The following IGSF10 variants were observed in gnomAD, a reference collection of about 807,000 sequenced individuals.
IGSF10 encodes immunoglobulin superfamily member 10, also known as calvaria mechanical force protein 608.
IGSF10 carries 126 observed loss-of-function variants against 128.2 expected under a neutral mutation model. The ratio of observed to expected loss-of-function variants is 0.98; its 90% confidence interval spans 0.85 to 1.14. The LOEUF is 1.14. Ranked by LOEUF, IGSF10 falls within the 50% of genes most tolerant of loss-of-function variation. The pLI, the probability that IGSF10 is intolerant of heterozygous loss-of-function variation, is 0.00. For missense variants in IGSF10, 3,295 were observed against 3,149.8 expected (o/e 1.05, Z -1.10); for synonymous variants, 1,185 against 1,146.2 (o/e 1.03, Z -0.68).
the IGSF10 span, among the ~76,000 whole-genome samples, chr3:151,618,512 T>C: frequency 1.1e-4 from 17 of 152,088 alleles, no homozygotes; most frequent in Admixed American, 1.0e-3. Context: ...GGGTGGATCA[T>C]GAGGTCAGGA....
chr3:151,438,816 A>G (rs1345044483), intron 7 of IGSF10, among the ~76,000 whole-genome samples: 1 of 138,512 alleles, frequency 7.2e-6, no homozygotes, highest in Non-Finnish European at 1.5e-5. Context: ...ATATATATAC[A>G]TTTTGAGATA....
the IGSF10 span, among the ~76,000 whole-genome samples, chr3:151,541,473 C>T: frequency 2.4e-4 from 37 of 152,184 alleles, no homozygotes; most frequent in Non-Finnish European, 4.0e-4. Context: ...TTCTTATAGT[C>T]ATATAGATGA....
chr3:151,524,956 A>G, the IGSF10 span, among the ~76,000 whole-genome samples: 1 of 147,570 alleles, frequency 6.8e-6, no homozygotes, highest in East Asian at 2.0e-4. Context: ...AATATTGTCA[A>G]TATGAAATAG....
the IGSF10 span, among the ~76,000 whole-genome samples, chr3:151,547,457 CACG>C: frequency 2.0e-5 from 3 of 151,258 alleles, no homozygotes; most frequent in Admixed American, 6.6e-5. Context: ...CACACACACA[CACG>C]TTATTCAAAA....
At chr3:151,599,405 AG>A in the IGSF10 span, among the ~76,000 whole-genome samples, 327 of 152,294 alleles carry the variant, frequency 2.1e-3, 1 homozygote, top group African/African-American at 7.7e-3. Context: ...AACCTTAAGC[AG>A]GGGAGTGACT....
chr3:151,523,960 G>C, the IGSF10 span, among the ~76,000 whole-genome samples: 1 of 151,962 alleles, frequency 6.6e-6, no homozygotes, highest in Admixed American at 6.6e-5. Flanking sequence ...CAAATTTACA[G>C]GAGAAAAACA....
At chr3:151,505,080 C>T in the IGSF10 span, among the ~76,000 whole-genome samples, 121,042 of 152,140 alleles carry the variant, frequency 0.8, 48,290 homozygotes, top group Middle Eastern at 0.9. Flanking sequence ...TTGGGTATCC[C>T]TATAGTAGCA....
the IGSF10 span, among the ~76,000 whole-genome samples, chr3:151,588,337 A>C: frequency 6.6e-6 from 1 of 151,992 alleles, no homozygotes; most frequent in Non-Finnish European, 1.5e-5. Context: ...GGGAATATTC[A>C]GAAGAGAACA....
At chr3:151,441,967 A>G (rs569134479) in intron 7 of IGSF10, among the ~76,000 whole-genome samples, 1 of 152,328 alleles carries the variant, frequency 6.6e-6, no homozygotes, top group African/African-American at 2.4e-5. Flanking sequence ...AGGCTGAGGT[A>G]GGAGAATGGC....
the IGSF10 span, among the ~76,000 whole-genome samples, chr3:151,575,227 C>T: frequency 1.4e-5 from 2 of 138,484 alleles, no homozygotes; most frequent in African/African-American, 6.2e-5. Context: ...GTCTGTCCAC[C>T]ATCCTGGGAT....
chr3:151,618,162 A>ATC, the IGSF10 span, among the ~76,000 whole-genome samples: 939 of 152,048 alleles, frequency 6.2e-3, 25 homozygotes, highest in East Asian at 0.091. Flanking sequence ...AAGAGAGATG[A>ATC]TCTCTCTCTC....
chr3:151,476,480 G>A, the IGSF10 span, among the ~76,000 whole-genome samples: 1 of 152,128 alleles, frequency 6.6e-6, no homozygotes, highest in Non-Finnish European at 1.5e-5. Flanking sequence ...CTGCTACATT[G>A]TACCCGGATG....
the IGSF10 span, among the ~76,000 whole-genome samples, chr3:151,472,248 A>G: frequency 1.3e-5 from 2 of 152,186 alleles, no homozygotes; most frequent in Non-Finnish European, 2.9e-5. Context: ...ACTTCATTCA[A>G]CTGTCACCCT....
chr3:151,524,599 A>G, the IGSF10 span, among the ~76,000 whole-genome samples: 2 of 152,102 alleles, frequency 1.3e-5, no homozygotes, highest in African/African-American at 4.8e-5. Flanking sequence ...AACCCAAAGA[A>G]GGAAACAACA....
the IGSF10 span, among the ~76,000 whole-genome samples, chr3:151,571,056 G>A: frequency 8.5e-5 from 13 of 152,238 alleles, no homozygotes; most frequent in African/African-American, 2.9e-4. Context: ...GATGTGTGGT[G>A]TTATTTCTGA....
the IGSF10 span, among the ~76,000 whole-genome samples, chr3:151,470,264 CA>C: frequency 3.3e-5 from 5 of 152,278 alleles, no homozygotes; most frequent in Admixed American, 2.6e-4. Flanking sequence ...ACAAAGGTCA[CA>C]AGGCTTCAGT....
rs777412682 is a variant in IGSF10, at chr3:151,446,838, T to C, written c.3143A>G (p.Glu1048Gly). ...GGCTGAGAATGCAGTAGTGCTTTTT[T>C]CAGAAGAACCTCTGGTTGTTGACCT... ...IFRSTTRGSSEKSTTAFSATV... is the reference protein window; with the variant it reads ...IFRSTTRGSSGKSTTAFSATV... Residue 1048 changes from glutamate to glycine, a missense_variant, in exon 6 of 8, where the codon GAA becomes GGA. Coordinates refer to ENST00000282466, the MANE Select transcript of IGSF10 (RefSeq NM_178822.5). The C allele has an allele frequency of 1.2e-6, 2 of 1,614,184 alleles. No homozygotes were observed. The highest frequency in any genetic ancestry group is 2.2e-5 in the South Asian group (2 of 91,088).
the IGSF10 span, among the ~76,000 whole-genome samples, chr3:151,507,381 A>G: frequency 3.9e-5 from 6 of 152,194 alleles, no homozygotes; most frequent in Non-Finnish European, 8.8e-5. Flanking sequence ...GTAATTTAAA[A>G]TCTTAGAGTC....
the IGSF10 span, among the ~76,000 whole-genome samples, chr3:151,570,041 G>C: frequency 1.7e-4 from 26 of 152,140 alleles, no homozygotes; most frequent in East Asian, 4.8e-3. Context: ...AGCTTCATCC[G>C]TGTCCCTACA....
Sources: allele counts gnomAD v4.1 joint callset (sites outside exome capture counted in the v4.1 genomes callset), GRCh38; gene constraint gnomAD v4.1.1; transcripts MANE v1.5; gene names NCBI Gene and HGNC (gene_info 2026-07-23, HGNC 2026-07-21).